The following ITGA5 variants were observed in gnomAD, a reference collection of about 807,000 sequenced individuals.
The protein encoded by ITGA5 is integrin subunit alpha 5.
In ITGA5, 55 loss-of-function variants were observed where a neutral mutation model predicts 146.3. The observed-to-expected ratio is 0.38, with a 90% confidence interval of 0.30 to 0.47. The LOEUF is 0.47. Among genes scored for constraint, ITGA5 ranks in the 20% least tolerant of loss-of-function variants. The pLI, the probability that ITGA5 is intolerant of heterozygous loss-of-function variation, is 0.99. For synonymous variants in ITGA5, 500 were observed against 531.8 expected (o/e 0.94, Z 0.82); for missense variants, 1,131 against 1,329.0 (o/e 0.85, Z 2.32).
rs1161868040 is a variant in ITGA5 at position 54,404,088 on chromosome 12, G to T, written c.1565+57C>A. On this transcript the variant is annotated intron_variant, in intron 15 of 29. Transcript: ENST00000293379. The stretch of plus-strand genomic sequence containing the variant: ...ATTTTCCCCTTTTTAAGGCAGACTT[G>T]GTGCCCCTGCCCACTCCCAGGCTCA... 9 of 1,559,808 alleles carry T rather than the reference G, an allele frequency of 5.8e-6. No individual in the cohort carries two copies. The African/African-American group carries it at 1.2e-4, about 21-fold the overall frequency.
At chr12:54,418,208 C>G (rs551130672) in intron 1 of ITGA5, among the ~76,000 whole-genome samples, 36 of 152,136 alleles carry the variant, frequency 2.4e-4, no homozygotes, top group East Asian at 5.8e-4. Flanking sequence ...CGCCCACCCC[C>G]CTTCACGCGC....
rs983171641 is a variant in ITGA5, at chr12:54,409,408, C to T, written c.463-56G>A. ...ATTCAGTCCAATAAGGCCCTTCCTC[C>T]CTCCCTCCAGGCCCGGCCTTACCCA... On this transcript the variant is annotated intron_variant, in intron 3 of 29. Transcript: ENST00000293379. The surrounding 1 kb of genome is among the most constrained non-coding windows in gnomAD (Gnocchi z 4.7). 1.9e-6 allele frequency: 3 copies of T among 1,608,334 alleles called. No homozygotes were observed. Among genetic ancestry groups the T allele is most frequent in the Non-Finnish European group, 2.5e-6 (3 of 1,177,270 alleles).
At position 54,397,490 on chromosome 12, in the gene ITGA5, G is replaced by A. The variant is rs762173720; in HGVS notation, c.2944-3C>T. On this transcript the variant is annotated splice_region_variant and splice_polypyrimidine_tract_variant and intron_variant, in intron 28 of 29. Transcript: ENST00000293379. ...GTCCATTGCACAGCTGTGGCCACCTGGGGAGCAAGTTGGGTGAAGTCAATG... is the reference window on the plus strand; with the variant it reads ...GTCCATTGCACAGCTGTGGCCACCTAGGGAGCAAGTTGGGTGAAGTCAATG... 17 of 1,613,812 alleles carry A rather than the reference G, an allele frequency of 1.1e-5. No homozygotes were observed. The highest frequency in any genetic ancestry group is 1.4e-5 in the Non-Finnish European group (17 of 1,179,936).
chr12:54,411,617 C>G (rs1396471560), intron 2 of ITGA5, among the ~76,000 whole-genome samples: 6 of 152,226 alleles, frequency 3.9e-5, no homozygotes, highest in Admixed American at 1.3e-4. Context: ...CCACATGTTT[C>G]TGAATCATGC....
At position 54,395,900 on chromosome 12, in the gene ITGA5, A is replaced by C. The variant is rs2120448604; in HGVS notation, c.*393T>G. 1 of 180,234 alleles carries C rather than the reference A, an allele frequency of 5.5e-6. No individual in the cohort carries two copies. The highest frequency in any genetic ancestry group is 2.7e-3 in the Middle Eastern group (1 of 366). 11.2% of individuals were successfully genotyped at this position (180,234 alleles called of 1,614,324 possible). Reference sequence around the variant, plus strand: ...GGATCTCTGGCAAGGCTGAGGACAGATCTTTGCAGGTTGGAGCTGGACAGG... The same window carrying C: ...GGATCTCTGGCAAGGCTGAGGACAGCTCTTTGCAGGTTGGAGCTGGACAGG... On this transcript the variant is annotated 3_prime_UTR_variant, in exon 30 of 30. Coordinates refer to ENST00000293379, the MANE Select transcript of ITGA5 (RefSeq NM_002205.5).
At position 54,405,220 on chromosome 12, in the gene ITGA5, G is replaced by A. The variant is rs771180802; in HGVS notation, c.1171C>T (p.Arg391Ter). 4 of 1,612,534 alleles carry A rather than the reference G, an allele frequency of 2.5e-6. No homozygotes were observed. The highest frequency in any genetic ancestry group is 2.2e-5 in the South Asian group (2 of 90,974). Residue 391 changes from arginine (R) to a stop codon, truncating the protein, a stop_gained, in exon 12 of 30, where the codon CGA becomes TGA. Coordinates refer to ENST00000293379, the MANE Select transcript of ITGA5 (RefSeq NM_002205.5). LOFTEE classifies it high-confidence loss of function. ...AGGGGGGTCAAGGAGCTGCCAAATC[G>A]GCCAAACTCATCATGGCCAGTGAGG... ...LTLTGHDEFGRFGSSLTPLGD... is the reference protein window; with the variant it reads ...LTLTGHDEFG
At chr12:54,404,602 C>G in intron 13 of ITGA5, 101 bp downstream of exon 13, 1 of 1,481,288 alleles carries the variant, frequency 6.8e-7, no homozygotes, top group South Asian at 1.1e-5. Context: ...TTGGAATTAG[C>G]CAGAACTGCA....
rs554719998 is a variant in ITGA5, at chr12:54,405,772, A to G, written c.964-56T>C. On this transcript the variant is annotated intron_variant, in intron 10 of 29. Transcript: ENST00000293379. ...AGAACTAGAAGGTTCAATCCACAGG[A>G]TCAAGAGGGGCTGGGAAGTTGGGCT... The G allele has an allele frequency of 2.1e-5, 33 of 1,606,018 alleles. No homozygotes were observed. The East Asian group carries it at 6.0e-4, about 29-fold the overall frequency.
rs1348236025 is a variant in ITGA5 at position 54,401,487 on chromosome 12, G to A, written c.2388-9C>T. The A allele has an allele frequency of 6.2e-7, 1 of 1,613,060 alleles. No homozygotes were observed. The highest frequency in any genetic ancestry group is 1.1e-5 in the South Asian group (1 of 91,044). On this transcript the variant is annotated splice_polypyrimidine_tract_variant and intron_variant, in intron 23 of 29. Transcript: ENST00000293379. The surrounding 1 kb of genome is among the most constrained non-coding windows in gnomAD (Gnocchi z 5.0). ...CCTCAGGCTTGGAGACACTAAGGAG[G>A]AGGGTGGTTTAGAGGAGGGTGGAAG...
chr12:54,409,581 C>T lies in ITGA5; in HGVS notation c.366G>A (p.Glu122=), dbSNP rs765504255. 3.1e-6 allele frequency: 5 copies of T among 1,612,742 alleles called. No individual in the cohort carries two copies. The South Asian group carries it at 3.3e-5, about 11-fold the overall frequency. The change falls in exon 3 of 30, where the codon GAG becomes GAA. Residue 122 remains glutamate (E), a synonymous_variant. Coordinates refer to ENST00000293379, the MANE Select transcript of ITGA5 (RefSeq NM_002205.5). The surrounding 1 kb of genome is among the most constrained non-coding windows in gnomAD (Gnocchi z 4.7). ...CTCCCTCTGAGCTGGACAGTGAGGA[C>T]TCCAGGAGCCGAGAGCCTTGTGGAA... ...EFDSKGSRLL[E]SSLSSSEGEE...
At chr12:54,397,192 A>C in intron 29 of ITGA5, 173 bp downstream of exon 29, 1 of 594,274 alleles carries the variant, frequency 1.7e-6, no homozygotes, top group Non-Finnish European at 2.9e-6. Context: ...TAGGGGCTAT[A>C]GAATGAAGGG....
intron 2 of ITGA5, among the ~76,000 whole-genome samples, chr12:54,410,150 C>T (rs1375201210): frequency 5.3e-5 from 8 of 152,076 alleles, no homozygotes; most frequent in African/African-American, 1.7e-4. Context: ...CCACTGCGCC[C>T]GCGTAGAACC....
chr12:54,404,300 C>T (rs1488449422), intron 14 of ITGA5, 54 bp from the exon 15 acceptor site: 2 of 1,580,080 alleles, frequency 1.3e-6, no homozygotes, highest in Non-Finnish European at 1.7e-6. Flanking sequence ...GTAACCTGGA[C>T]ACAGGAAACT....
chr12:54,405,196 G>C lies in ITGA5; in HGVS notation c.1195C>G (p.Leu399Val), dbSNP rs779533134. Reference sequence around the variant, plus strand: ...TAGCCATCCTGGTCCAGGTCCCCCAGGGGGGTCAAGGAGCTGCCAAATCGG... The same window carrying C: ...TAGCCATCCTGGTCCAGGTCCCCCACGGGGGTCAAGGAGCTGCCAAATCGG... Reference protein sequence around the residue: ...FGRFGSSLTPLGDLDQDGYND... With the variant: ...FGRFGSSLTPVGDLDQDGYND... Residue 399 changes from leucine to valine, a missense_variant, in exon 12 of 30, where the codon CTG becomes GTG. Coordinates refer to ENST00000293379, the MANE Select transcript of ITGA5 (RefSeq NM_002205.5). 1 of 1,609,162 alleles carries C rather than the reference G, an allele frequency of 6.2e-7. No individual in the cohort carries two copies. Among genetic ancestry groups the C allele is most frequent in the Non-Finnish European group, 8.5e-7 (1 of 1,176,508 alleles).
intron 25 of ITGA5, chr12:54,400,251 A>C (rs1955770594): frequency 2.8e-6 from 1 of 361,446 alleles, no homozygotes; most frequent in Non-Finnish European, 5.1e-6. Context: ...AGACAGGTTC[A>C]ACCTTATCTT....
At chr12:54,411,272 A>G (rs1955940780) in intron 2 of ITGA5, among the ~76,000 whole-genome samples, 1 of 152,250 alleles carries the variant, frequency 6.6e-6, no homozygotes, top group Admixed American at 6.5e-5. Flanking sequence ...CCTCACTTAG[A>G]AAATGGGGAT....
chr12:54,408,915 C>G lies in ITGA5; in HGVS notation c.623G>C (p.Gly208Ala). ...WAAGQGYCQG[G>A]FSAEFTKTGR... ...CACCTTGGTGAACTCGGCACTGAAGCCTCCTTGGCAGTAACCCTGTCCTGC... is the reference window on the plus strand; with the variant it reads ...CACCTTGGTGAACTCGGCACTGAAGGCTCCTTGGCAGTAACCCTGTCCTGC... Residue 208 changes from glycine (G) to alanine (A), a missense_variant, in exon 5 of 30, where the codon GGC becomes GCC. Gly to Ala is a moderately conservative substitution (Grantham distance 60, BLOSUM62 0). Transcript: ENST00000293379. 1.2e-6 allele frequency: 2 copies of G among 1,614,124 alleles called. No homozygotes were observed. The highest frequency in any genetic ancestry group is 1.7e-6 in the Non-Finnish European group (2 of 1,180,020).
In ITGA5 at chr12:54,408,815, G is replaced by C. The variant is rs759007895; in HGVS notation, c.646-14C>G. On this transcript the variant is annotated splice_polypyrimidine_tract_variant and intron_variant, in intron 5 of 29. Coordinates refer to ENST00000293379, the MANE Select transcript of ITGA5 (RefSeq NM_002205.5). ...CACACGGCCAGTCTGTGGGTGAAAG[G>C]AGGGGAGTCCAACATCTGGTCCCAA... The C allele has an allele frequency of 6.8e-6, 11 of 1,613,870 alleles. No individual in the cohort carries two copies. The East Asian group carries it at 2.5e-4, about 36-fold the overall frequency.
intron 25 of ITGA5, 97 bp from the exon 26 acceptor site, chr12:54,400,044 C>G (rs1415906288): frequency 1.2e-6 from 1 of 823,706 alleles, no homozygotes; most frequent in Non-Finnish European, 2.1e-6. Context: ...ATTCTTTCAT[C>G]TATCTCTTTA....
Sources: gnomAD v4.1 joint callset for allele counts (sites outside exome capture counted in the v4.1 genomes callset) on GRCh38, gnomAD v4.1.1 for gene constraint, Gnocchi (gnomAD v3.1) non-coding constraint, MANE v1.5 for transcripts, NCBI Gene and HGNC (gene_info 2026-07-23, HGNC 2026-07-21) for gene names.